The following GRM1 variants were observed in gnomAD, a reference collection of about 807,000 sequenced individuals.
The protein encoded by GRM1 is metabotropic glutamate receptor 1.
GRM1 carries 33 observed loss-of-function variants against 90.9 expected under a neutral mutation model. The observed-to-expected ratio is 0.36, with a 90% CI of 0.28 to 0.49. GRM1 has a LOEUF of 0.49. GRM1 is among the 20% of genes least tolerant of loss of function. The pLI, the probability that GRM1 is intolerant of heterozygous loss-of-function variation, is 0.99. For synonymous variants in GRM1, 700 were observed against 613.2 expected (o/e 1.14, Z -2.09); for missense variants, 1,190 against 1,534.3 (o/e 0.78, Z 3.75).
At chr6:146,099,604 A>AAAAGAT (rs1776983271) in intron 1 of GRM1, among the ~76,000 whole-genome samples, 1 of 152,206 alleles carries the variant, frequency 6.6e-6, no homozygotes, top group Non-Finnish European at 1.5e-5. Flanking sequence ...TCCCTAAGGA[A>AAAAGAT]AAAGATAAAT....
intron 1 of GRM1, among the ~76,000 whole-genome samples, chr6:146,031,925 A>G (rs992947234): frequency 6.6e-6 from 1 of 152,164 alleles, no homozygotes; most frequent in African/African-American, 2.4e-5. Flanking sequence ...TAGATAATTG[A>G]TTATTAATAT....
In GRM1 at chr6:146,260,141, T is replaced by A. The variant is rs1029516589; in HGVS notation, c.951-44470T>A. On this transcript the variant is annotated intron_variant, in intron 2 of 7. Transcript: ENST00000282753. Reference sequence around the variant, plus strand: ...CATCATCTGCATTAGATATTACTCCTAATGCTATCCCTCCCCTAGGCCCCC... The same window carrying A: ...CATCATCTGCATTAGATATTACTCCAAATGCTATCCCTCCCCTAGGCCCCC... Among the ~76,000 whole-genome samples, 39 of 152,194 alleles carry A rather than the reference T, an allele frequency of 2.6e-4. 1 individual carries two copies. Among genetic ancestry groups the A allele is most frequent in the Admixed American group, 1.3e-3 (20 of 15,274 alleles).
At chr6:146,398,408 C>G (rs1417314669) in intron 6 of GRM1, among the ~76,000 whole-genome samples, 2 of 152,150 alleles carry the variant, frequency 1.3e-5, no homozygotes, top group African/African-American at 4.8e-5. Flanking sequence ...CCATTATCAC[C>G]ATTTAACCCT....
chr6:146,159,641 T>TCTCTCTCTCTCTCTCTCTCTCTCTCA (rs372590505), intron 2 of GRM1, 44 bp downstream of exon 2: 1 of 663,184 alleles, frequency 1.5e-6, no homozygotes, highest in Admixed American at 2.8e-5. Context: ...TCTCTCTCTC[T>TCTCTCTCTCTCTCTCTCTCTCTCTCA]CACACACACA....
chr6:146,393,470 C>A (rs894557247), intron 6 of GRM1, among the ~76,000 whole-genome samples: 2 of 152,064 alleles, frequency 1.3e-5, no homozygotes, highest in African/African-American at 4.8e-5. Flanking sequence ...TTCTCCCATC[C>A]TATAGGTTGC....
intron 3 of GRM1, among the ~76,000 whole-genome samples, chr6:146,318,813 T>A (rs1784069521): frequency 6.6e-6 from 1 of 152,206 alleles, no homozygotes; most frequent in African/African-American, 2.4e-5. Flanking sequence ...TTGAGAAGTG[T>A]CTGTTCATAT....
chr6:146,239,823 C>CT (rs772544115), intron 2 of GRM1, among the ~76,000 whole-genome samples: 2 of 152,022 alleles, frequency 1.3e-5, no homozygotes, highest in East Asian at 1.9e-4. Context: ...ATGAGGTATC[C>CT]TTTTTTTAAA....
At chr6:146,281,628 T>C (rs1782572333) in intron 2 of GRM1, among the ~76,000 whole-genome samples, 1 of 152,252 alleles carries the variant, frequency 6.6e-6, no homozygotes, top group South Asian at 2.1e-4. Flanking sequence ...TGGTACATTA[T>C]ATGTAATAGA....
chr6:146,071,209 A>T (rs1776007197), intron 1 of GRM1, among the ~76,000 whole-genome samples: 1 of 152,134 alleles, frequency 6.6e-6, no homozygotes, highest in African/African-American at 2.4e-5. Flanking sequence ...TCTTCTCTTT[A>T]AAAGGAAACC....
chr6:146,039,258 G>T (rs543437311), intron 1 of GRM1, among the ~76,000 whole-genome samples: 1 of 152,110 alleles, frequency 6.6e-6, no homozygotes, highest in African/African-American at 2.4e-5. Context: ...GTGAGGGAAA[G>T]CTCATAGAAG....
At chr6:146,390,907 T>C (rs543245696) in intron 6 of GRM1, among the ~76,000 whole-genome samples, 1 of 152,180 alleles carries the variant, frequency 6.6e-6, no homozygotes, top group African/African-American at 2.4e-5. Flanking sequence ...AAAAAGCCTT[T>C]GCAGAAGAAG....
At chr6:146,318,974 C>T (rs1784074283) in intron 3 of GRM1, among the ~76,000 whole-genome samples, 1 of 152,124 alleles carries the variant, frequency 6.6e-6, no homozygotes, top group African/African-American at 2.4e-5. Flanking sequence ...TGAATAGTTT[C>T]TTTTGTGTGC....
intron 2 of GRM1, among the ~76,000 whole-genome samples, chr6:146,237,666 C>T (rs908014829): frequency 1.3e-5 from 2 of 152,004 alleles, no homozygotes; most frequent in Non-Finnish European, 2.9e-5. Context: ...TATTAGAAAT[C>T]AATGATACAG....
intron 6 of GRM1, 71 bp from the exon 7 acceptor site, chr6:146,398,698 T>C (rs1476666371): frequency 4.5e-5 from 46 of 1,013,734 alleles, no homozygotes; most frequent in Non-Finnish European, 6.8e-5. Context: ...GTGTCTCTGG[T>C]AATTAATAGG....
chr6:146,079,440 C>A (rs2128862477), intron 1 of GRM1, among the ~76,000 whole-genome samples: 1 of 152,256 alleles, frequency 6.6e-6, no homozygotes, highest in South Asian at 2.1e-4. Flanking sequence ...CCAAATTTAT[C>A]TTCTTTATTG....
intron 2 of GRM1, among the ~76,000 whole-genome samples, chr6:146,257,962 C>T (rs4896863): frequency 0.093 from 13,961 of 150,926 alleles, 1,680 homozygotes; most frequent in African/African-American, 0.28. Context: ...ACACGGAACA[C>T]ACTTTCCATC....
In GRM1 at chr6:146,159,398, G is replaced by A; in HGVS notation, c.751G>A (p.Glu251Lys). 1 of 1,614,188 alleles carries A rather than the reference G, an allele frequency of 6.2e-7. No individual in the cohort carries two copies. The highest frequency in any genetic ancestry group is 8.5e-7 in the Non-Finnish European group (1 of 1,180,000). The change falls in exon 2 of 8, where the codon GAA (glutamate) becomes AAA (lysine). Residue 251 changes from glutamate (E) to lysine (K), a missense_variant. Coordinates refer to ENST00000282753, the MANE Select transcript of GRM1 (RefSeq NM_001278064.2). Reference sequence around the variant, plus strand: ...CGCTTTCAAAGAGCTGGCTGCCCAGGAAGGCCTCTGTATCGCCCATTCTGA... The same window carrying A: ...CGCTTTCAAAGAGCTGGCTGCCCAGAAAGGCCTCTGTATCGCCCATTCTGA... ...MDAFKELAAQ[E>K]GLCIAHSDKI...
At chr6:146,046,916 G>A (rs1791353220) in intron 1 of GRM1, among the ~76,000 whole-genome samples, 1 of 151,940 alleles carries the variant, frequency 6.6e-6, no homozygotes, top group African/African-American at 2.4e-5. Context: ...GGGATATTGG[G>A]TAGGTATTTG....
chr6:146,352,447 G>T lies in GRM1; in HGVS notation c.1384G>T (p.Val462Leu), dbSNP rs773117548. The change falls in exon 4 of 8, where the codon GTA becomes TTA. Residue 462 changes from valine to leucine, a missense_variant. Physicochemically the swap from Val to Leu is conservative, Grantham distance 32 (BLOSUM62 1). Around this residue, in one of 10 missense-constraint regions of GRM1, gnomAD observed 414 missense variants for 598.4 expected, o/e 0.69. Transcript: ENST00000282753. ...CCTCATCAAGTCCTCATTCATTGGA[G>T]TATCTGGAGAGGAGGTGTGGTTTGA... ...DFLIKSSFIG[V>L]SGEEVWFDEK... 1.9e-6 allele frequency: 3 copies of T among 1,613,732 alleles called. No homozygotes were observed. Among genetic ancestry groups the T allele is most frequent in the Non-Finnish European group, 2.5e-6 (3 of 1,179,620 alleles).
Sources: gnomAD v4.1 joint callset for allele counts (sites outside exome capture counted in the v4.1 genomes callset) on GRCh38, gnomAD v4.1.1 for gene constraint, gnomAD v4.1.1 regional missense constraint, MANE v1.5 for transcripts, NCBI Gene and HGNC (gene_info 2026-07-23, HGNC 2026-07-21) for gene names.